Variants in AUTS2 observed in about 807,000 individuals in gnomAD.
AUTS2 encodes activator of transcription and developmental regulator AUTS2, also known as autism susceptibility gene 2 protein.
AUTS2 carries 17 observed loss-of-function variants against 112.4 expected under a neutral mutation model. The ratio of observed to expected loss-of-function variants is 0.15; its 90% CI spans 0.10 to 0.23. The LOEUF (loss-of-function observed/expected upper bound fraction) is 0.23. AUTS2 is among the 10% of genes least tolerant of loss of function. The pLI is 1.00. For missense variants in AUTS2, 1,510 were observed against 1,701.6 expected, an observed-to-expected ratio of 0.89 and a Z score of 1.98; for synonymous variants, 751 against 702.7, an observed-to-expected ratio of 1.07 and a Z score of -1.09.
At chr7:70,205,222 AT>A (rs1265363107) in intron 4 of AUTS2, among the ~76,000 whole-genome samples, 3 of 151,764 alleles carry the variant, frequency 2.0e-5, no homozygotes, top group Non-Finnish European at 4.4e-5. Context: ...TTATTTTTTT[AT>A]TTTTTGTAGA....
intron 4 of AUTS2, among the ~76,000 whole-genome samples, chr7:70,371,622 C>G (rs1792842113): frequency 6.6e-6 from 1 of 152,158 alleles, no homozygotes; most frequent in Non-Finnish European, 1.5e-5. Flanking sequence ...ATTGGCTACA[C>G]ATGAGGCATT....
rs1341526498 is a variant in AUTS2, at chr7:70,631,349, C to T, written c.691-67220C>T. Among the ~76,000 whole-genome samples the T allele has an allele frequency of 1.3e-5, 2 of 152,124 alleles. No homozygotes were observed. Among genetic ancestry groups the T allele is most frequent in the Non-Finnish European group, 2.9e-5 (2 of 68,024 alleles). On this transcript the variant is annotated intron_variant, in intron 5 of 18. Transcript: ENST00000342771. The surrounding 1 kb of genome is among the most constrained non-coding windows in gnomAD (Gnocchi z 4.5). ...CACCAGGGCAGGGGCTGGCGACTGG[C>T]GGCGGGGAAGCATGTGCACATGCGT...
chr7:69,599,737 C>A lies in AUTS2; in HGVS notation c.84C>A (p.Gly28=). ...GAGACCGGGAGAGGCGCTCCCGGGG[C>A]GGGCTGGGGGCCGGCGCGGCCGGCG... ...SQRDRERRSR[G]GLGAGAAGGG... is the part of the protein sequence containing the mutation. Residue 28 remains glycine, a synonymous_variant, in exon 1 of 19, where the codon GGC becomes GGA. Coordinates refer to ENST00000342771, the MANE Select transcript of AUTS2 (RefSeq NM_015570.4). This position sits in a 1 kb window ranked among gnomAD's most constrained non-coding sequence, Gnocchi z 7.0. 7.5e-7 allele frequency: 1 copy of A among 1,325,690 alleles called. No individual in the cohort carries two copies. The highest frequency in any genetic ancestry group is 9.6e-7 in the Non-Finnish European group (1 of 1,043,296). 82.1% of individuals were successfully genotyped at this position (1,325,690 alleles called of 1,614,324 possible).
intron 1 of AUTS2, among the ~76,000 whole-genome samples, chr7:69,888,234 A>G (rs948380752): frequency 6.6e-6 from 1 of 151,838 alleles, no homozygotes; most frequent in Non-Finnish European, 1.5e-5. Flanking sequence ...ATGGTTCTGC[A>G]GACTGTACAA....
At chr7:69,699,044 A>G (rs1274814011) in intron 1 of AUTS2, among the ~76,000 whole-genome samples, 1 of 152,186 alleles carries the variant, frequency 6.6e-6, no homozygotes, top group African/African-American at 2.4e-5. Context: ...CTAGGAATAT[A>G]TATGGCGAGG....
intron 5 of AUTS2, among the ~76,000 whole-genome samples, chr7:70,522,519 A>G (rs1300405723): frequency 3.3e-5 from 5 of 152,162 alleles, no homozygotes; most frequent in African/African-American, 1.2e-4. Context: ...TGTATACCCA[A>G]TATTTAGCTT....
At chr7:70,168,296 G>A (rs144531658) in intron 4 of AUTS2, among the ~76,000 whole-genome samples, 9 of 152,210 alleles carry the variant, frequency 5.9e-5, no homozygotes, top group East Asian at 5.8e-4. Context: ...CTTTCCTCAC[G>A]GTGGTTTCTA....
At chr7:70,762,294 G>A (rs1052563097) in intron 6 of AUTS2, among the ~76,000 whole-genome samples, 3 of 152,164 alleles carry the variant, frequency 2.0e-5, no homozygotes, top group Non-Finnish European at 4.4e-5. Flanking sequence ...TCAGAATGTA[G>A]TCTAGGCTGC....
intron 2 of AUTS2, among the ~76,000 whole-genome samples, chr7:70,014,131 TA>T (rs1465227043): frequency 2.0e-5 from 3 of 152,148 alleles, no homozygotes; most frequent in Admixed American, 2.0e-4. Flanking sequence ...CATAAGAAAG[TA>T]ACTATAAAAA....
intron 2 of AUTS2, among the ~76,000 whole-genome samples, chr7:70,062,534 A>C (rs1170018386): frequency 1.3e-5 from 2 of 151,856 alleles, no homozygotes; most frequent in East Asian, 3.9e-4. Context: ...AAAAGGAAGA[A>C]ATAAGACACA....
chr7:69,778,856 T>C (rs1789013993), intron 1 of AUTS2, among the ~76,000 whole-genome samples: 1 of 151,928 alleles, frequency 6.6e-6, no homozygotes, highest in Admixed American at 6.6e-5. Context: ...TTTCCTGATA[T>C]AGATGAGCTT....
chr7:70,488,007 G>T (rs1798083055), intron 5 of AUTS2, among the ~76,000 whole-genome samples: 1 of 152,178 alleles, frequency 6.6e-6, no homozygotes, highest in South Asian at 2.1e-4. Context: ...TGGTGGTCTG[G>T]GCAAATGCTG....
At chr7:70,723,848 G>A (rs1461870526) in intron 6 of AUTS2, among the ~76,000 whole-genome samples, 7 of 151,966 alleles carry the variant, frequency 4.6e-5, no homozygotes, top group African/African-American at 7.2e-5. Flanking sequence ...TGAAACTAAC[G>A]TTTTGTTTAT....
At position 69,895,549 on chromosome 7, in the gene AUTS2, C is replaced by G. The variant is rs574751097; in HGVS notation, c.310-3737C>G. Among the ~76,000 whole-genome samples, 20 of 142,446 alleles carry G rather than the reference C, an allele frequency of 1.4e-4. No individual in the cohort carries two copies. In the South Asian group the frequency reaches 1.5e-3, roughly 10 times the overall value. The allele number at this position is 142,446 out of a possible 152,430, so 93.5% of individuals were successfully genotyped here. A position where few individuals can be genotyped will look rare whatever the true frequency, so the allele number is the denominator to read the frequency against. On this transcript the variant is annotated intron_variant, in intron 1 of 18. Transcript: ENST00000342771. ...GATCCTCTCTCTCTCTTCTTCCCCC[C>G]CCCCGAGTGGAAAATCTCAATATTA...
At chr7:70,195,008 A>T (rs1466087914) in intron 4 of AUTS2, among the ~76,000 whole-genome samples, 1 of 152,180 alleles carries the variant, frequency 6.6e-6, no homozygotes, top group East Asian at 1.9e-4. Flanking sequence ...GGCTTTCTCA[A>T]TATTTCTACC....
chr7:70,257,442 T>C (rs1188185940), intron 4 of AUTS2, among the ~76,000 whole-genome samples: 2 of 152,142 alleles, frequency 1.3e-5, no homozygotes, highest in Non-Finnish European at 2.9e-5. Flanking sequence ...CTAAGCCTTC[T>C]TAGTAGCTGG....
At chr7:70,035,708 T>G (rs186883242) in intron 2 of AUTS2, among the ~76,000 whole-genome samples, 75 of 152,318 alleles carry the variant, frequency 4.9e-4, no homozygotes, top group African/African-American at 1.7e-3. Flanking sequence ...GGTTCTTTAT[T>G]CTTCCCGGTT....
chr7:70,483,589 C>T (rs898910253), intron 5 of AUTS2, among the ~76,000 whole-genome samples: 1 of 152,192 alleles, frequency 6.6e-6, no homozygotes, highest in Non-Finnish European at 1.5e-5. Context: ...GTATCCCTCT[C>T]TGGACCACAG....
At chr7:70,167,993 G>A (rs1808471581) in intron 4 of AUTS2, among the ~76,000 whole-genome samples, 1 of 152,126 alleles carries the variant, frequency 6.6e-6, no homozygotes, top group Admixed American at 6.5e-5. Flanking sequence ...AAGTACATTT[G>A]GCATAAGGAC....
Sources: allele counts gnomAD v4.1 joint callset (sites outside exome capture counted in the v4.1 genomes callset), GRCh38; gene constraint gnomAD v4.1.1; non-coding constraint Gnocchi (gnomAD v3.1); transcripts MANE v1.5; gene names NCBI Gene and HGNC (gene_info 2026-07-23, HGNC 2026-07-21).